ARHGAP39: variants seen among roughly 807,000 people sequenced by gnomAD.
ARHGAP39 encodes rho GTPase-activating protein 39.
ARHGAP39 carries 44 observed loss-of-function variants against 106.9 expected under a neutral mutation model. The observed-to-expected ratio is 0.41, with a 90% CI of 0.32 to 0.53. The LOEUF is 0.53. Ranked by LOEUF, ARHGAP39 falls within the 20% of genes least tolerant of loss-of-function variation. The pLI, the probability that ARHGAP39 is intolerant of heterozygous loss-of-function variation, is 0.21. For missense variants in ARHGAP39, 1,496 were observed against 1,577.3 expected, an observed-to-expected ratio of 0.95 and a Z score of 0.87; for synonymous variants, 768 against 693.2, an observed-to-expected ratio of 1.11 and a Z score of -1.69.
chr8:144,680,773 A>G (rs979995057), intron 1 of ARHGAP39, among the ~76,000 whole-genome samples: 1 of 152,216 alleles, frequency 6.6e-6, no homozygotes, highest in African/African-American at 2.4e-5. Context: ...ATTCCACCCA[A>G]TGGATCATAA....
intron 1 of ARHGAP39, among the ~76,000 whole-genome samples, chr8:144,614,744 C>T (rs1820590630): frequency 6.6e-6 from 1 of 152,240 alleles, no homozygotes; most frequent in Non-Finnish European, 1.5e-5. Flanking sequence ...AGCAGCAGAG[C>T]AGCATTTATT....
the ARHGAP39 span, among the ~76,000 whole-genome samples, chr8:144,692,748 C>CTT: frequency 8.0e-3 from 552 of 68,930 alleles, 1 homozygote; most frequent in Middle Eastern, 0.014. Flanking sequence ...TTGTAAAATT[C>CTT]TTTTTTTTTT....
At chr8:144,560,695 C>G (rs987217468) in intron 3 of ARHGAP39, among the ~76,000 whole-genome samples, 2 of 152,260 alleles carry the variant, frequency 1.3e-5, no homozygotes, top group African/African-American at 4.8e-5. Flanking sequence ...ACCAGCGGTG[C>G]GCGGGTTACT....
intron 3 of ARHGAP39, among the ~76,000 whole-genome samples, chr8:144,568,808 C>T (rs760195738): frequency 1.3e-5 from 2 of 151,522 alleles, no homozygotes; most frequent in Middle Eastern, 6.8e-3. Flanking sequence ...TAGCAAAGAG[C>T]CATAATTAAG....
upstream of ARHGAP39, among the ~76,000 whole-genome samples, chr8:144,687,115 TCCC>T (rs1170908149): frequency 9.3e-5 from 1 of 10,712 alleles, no homozygotes; most frequent in Non-Finnish European, 1.6e-4. Flanking sequence ...GGCGACCATT[TCCC>T]ACCCCCGTGA....
chr8:144,629,235 C>T (rs1304426689), intron 1 of ARHGAP39, among the ~76,000 whole-genome samples: 1 of 152,240 alleles, frequency 6.6e-6, no homozygotes, highest in Non-Finnish European at 1.5e-5. Context: ...TCACCACTCA[C>T]CCTGCTGCCT....
chr8:144,678,934 A>G (rs1028892798), intron 1 of ARHGAP39, among the ~76,000 whole-genome samples: 6 of 152,144 alleles, frequency 3.9e-5, no homozygotes, highest in African/African-American at 1.4e-4. Context: ...GACATGGTGC[A>G]GGTCCCACTC....
At chr8:144,552,114 G>A (rs1441532611) in intron 4 of ARHGAP39, among the ~76,000 whole-genome samples, 1 of 152,202 alleles carries the variant, frequency 6.6e-6, no homozygotes, top group Non-Finnish European at 1.5e-5. Flanking sequence ...CTTCCAAACT[G>A]CAAGGGAAGT....
At chr8:144,668,094 A>C (rs1822008932) in intron 1 of ARHGAP39, among the ~76,000 whole-genome samples, 2 of 151,980 alleles carry the variant, frequency 1.3e-5, no homozygotes, top group Admixed American at 6.6e-5. Context: ...CTGGCACACT[A>C]GAGGATGGAA....
intron 2 of ARHGAP39, among the ~76,000 whole-genome samples, chr8:144,603,036 C>T (rs1351649589): frequency 2.8e-4 from 34 of 121,494 alleles, no homozygotes; most frequent in African/African-American, 1.0e-3. Context: ...TGTGTGCGTG[C>T]GTGGAGGCGT....
intron 1 of ARHGAP39, among the ~76,000 whole-genome samples, chr8:144,640,508 T>C (rs1236588094): frequency 6.6e-6 from 1 of 152,176 alleles, no homozygotes; most frequent in Non-Finnish European, 1.5e-5. Context: ...TGCACCATGA[T>C]TGTGAGGCCT....
At chr8:144,638,147 G>A (rs942680968) in intron 1 of ARHGAP39, among the ~76,000 whole-genome samples, 2 of 152,130 alleles carry the variant, frequency 1.3e-5, no homozygotes, top group South Asian at 2.1e-4. Context: ...TACTCAATAG[G>A]TTCCTTCTCT....
At position 144,684,853 on chromosome 8, in the gene ARHGAP39, C is replaced by A. The variant is rs935997302; in HGVS notation, c.-82+833G>T. 2.0e-5 allele frequency among the ~76,000 whole-genome samples: 3 copies of A among 152,242 alleles called. No homozygotes were observed. Among genetic ancestry groups the A allele is most frequent in the African/African-American group, 7.2e-5 (3 of 41,470 alleles). On this transcript the variant is annotated intron_variant, in intron 1 of 11. Transcript: ENST00000377307. The surrounding 1 kb of genome is among the most constrained non-coding windows in gnomAD (Gnocchi z 4.4). Reference sequence around the variant, plus strand: ...GAGGCGAGGCCGCAGAGCCCACCCGCAGGCGGCCATGACCCCACCTGGAGA... The same window carrying A: ...GAGGCGAGGCCGCAGAGCCCACCCGAAGGCGGCCATGACCCCACCTGGAGA...
intron 2 of ARHGAP39, among the ~76,000 whole-genome samples, chr8:144,581,812 G>A (rs149049499): frequency 2.0e-5 from 3 of 152,304 alleles, no homozygotes; most frequent in Admixed American, 2.0e-4. Context: ...GACCCCCGAT[G>A]GGGGGCAGAG....
At chr8:144,648,483 C>A (rs1346206752) in intron 1 of ARHGAP39, among the ~76,000 whole-genome samples, 2 of 152,192 alleles carry the variant, frequency 1.3e-5, no homozygotes, top group Non-Finnish European at 2.9e-5. Context: ...AGGGCTCGTT[C>A]CAGAAAGAAA....
rs969155756 is a variant in ARHGAP39, at chr8:144,548,581, C to A, written c.597-92G>T. 1.2e-5 allele frequency: 18 copies of A among 1,472,412 alleles called. No homozygotes were observed. The highest frequency in any genetic ancestry group is 5.6e-5 in the African/African-American group (4 of 71,752). 91.2% of individuals were successfully genotyped at this position (1,472,412 alleles called of 1,614,324 possible). On this transcript the variant is annotated intron_variant, in intron 4 of 11. Coordinates refer to ENST00000377307, the MANE Select transcript of ARHGAP39 (RefSeq NM_025251.3). The surrounding 1 kb of genome is among the most constrained non-coding windows in gnomAD (Gnocchi z 7.4). ...CGGGGGCTGTAGGCAGCGGCTCCCG[C>A]GAACCCTCTGTTGTACACCTTCCTC...
chr8:144,659,663 C>A (rs1821776321), intron 1 of ARHGAP39, among the ~76,000 whole-genome samples: 1 of 152,098 alleles, frequency 6.6e-6, no homozygotes. Flanking sequence ...CAATTTTTTG[C>A]AAAATCTTCC....
At chr8:144,669,851 A>G (rs1822057212) in intron 1 of ARHGAP39, among the ~76,000 whole-genome samples, 1 of 152,252 alleles carries the variant, frequency 6.6e-6, no homozygotes, top group African/African-American at 2.4e-5. Flanking sequence ...GGCTTTAATC[A>G]GAAGGATGAA....
At position 144,547,022 on chromosome 8, in the gene ARHGAP39, C is replaced by T. The variant is rs948162860; in HGVS notation, c.1959+105G>A. 10 of 1,338,916 alleles carry T rather than the reference C, an allele frequency of 7.5e-6. No individual in the cohort carries two copies. Among genetic ancestry groups the T allele is most frequent in the South Asian group, 4.6e-5 (3 of 64,672 alleles). 82.9% of individuals were successfully genotyped at this position (1,338,916 alleles called of 1,614,324 possible). On this transcript the variant is annotated intron_variant, in intron 5 of 11. Transcript: ENST00000377307. The surrounding 1 kb of genome is among the most constrained non-coding windows in gnomAD (Gnocchi z 5.2). ...CGGGGCTTCAGAACTCTGCGTGCTG[C>T]GTGCACGCCCTGGACGCCAGGTCTC... is the stretch of plus-strand genomic sequence containing the variant.
Sources: allele counts gnomAD v4.1 joint callset (sites outside exome capture counted in the v4.1 genomes callset), GRCh38; gene constraint gnomAD v4.1.1; non-coding constraint Gnocchi (gnomAD v3.1); transcripts MANE v1.5; gene names NCBI Gene and HGNC (gene_info 2026-07-23, HGNC 2026-07-21).